The following BCAS3 variants were observed in gnomAD, a reference collection of about 807,000 sequenced individuals.
BCAS3 encodes the protein BCAS3 microtubule associated cell migration factor.
In BCAS3, 53 loss-of-function variants were observed where a neutral mutation model predicts 116.1. That is an observed-to-expected ratio of 0.46 (90% confidence interval 0.37 to 0.57). BCAS3 has a LOEUF of 0.57. Ranked by LOEUF, BCAS3 falls within the 20% of genes least tolerant of loss-of-function variation. BCAS3 has a pLI of 0.00. For missense variants in BCAS3, 917 were observed against 1,165.4 expected, an observed-to-expected ratio of 0.79 and a Z score of 3.10; for synonymous variants, 391 against 408.2, an observed-to-expected ratio of 0.96 and a Z score of 0.51.
At chr17:60,830,350 A>G (rs1439704310) in intron 7 of BCAS3, among the ~76,000 whole-genome samples, 1 of 152,222 alleles carries the variant, frequency 6.6e-6, no homozygotes, top group Non-Finnish European at 1.5e-5. Flanking sequence ...GTAACAGTAT[A>G]AAACGTGATG....
intron 22 of BCAS3, among the ~76,000 whole-genome samples, chr17:61,322,828 GACAGAGAGAGAGAGAGAGAGAGAGAGAC>G (rs2055371952): frequency 1.9e-5 from 2 of 107,726 alleles, no homozygotes; most frequent in African/African-American, 3.8e-5. Flanking sequence ...GAGAGAGAGA[GACAGAGAGAGAGAGAGAGAGAGAGAGAC>G]AGAGAGAGAG....
intron 22 of BCAS3, among the ~76,000 whole-genome samples, chr17:61,225,591 A>T (rs2082330296): frequency 6.6e-6 from 1 of 152,214 alleles, no homozygotes; most frequent in South Asian, 2.1e-4. Flanking sequence ...CAGTTTCCTC[A>T]ACATCTTAAT....
chr17:61,143,762 T>C (rs1366523683), intron 22 of BCAS3, among the ~76,000 whole-genome samples: 1 of 152,162 alleles, frequency 6.6e-6, no homozygotes. Flanking sequence ...TGAGCCAAGA[T>C]TGTGCCACTG....
At chr17:61,129,336 A>G (rs902920091) in intron 22 of BCAS3, among the ~76,000 whole-genome samples, 1 of 152,118 alleles carries the variant, frequency 6.6e-6, no homozygotes, top group Admixed American at 6.6e-5. Flanking sequence ...TCACCTTTAC[A>G]TTTTTAACAT....
At chr17:61,312,515 A>G (rs763323096) in intron 22 of BCAS3, among the ~76,000 whole-genome samples, 3 of 152,154 alleles carry the variant, frequency 2.0e-5, no homozygotes, top group Non-Finnish European at 4.4e-5. Context: ...CTTTTCTTTA[A>G]CAGCAGACGT....
intron 9 of BCAS3, among the ~76,000 whole-genome samples, chr17:60,879,555 G>A (rs1471051500): frequency 6.6e-6 from 1 of 152,174 alleles, no homozygotes; most frequent in Non-Finnish European, 1.5e-5. Context: ...CAAAACCCGT[G>A]TATGATTAGG....
intron 22 of BCAS3, among the ~76,000 whole-genome samples, chr17:61,234,221 A>G (rs1360984968): frequency 6.6e-6 from 1 of 152,150 alleles, no homozygotes; most frequent in Non-Finnish European, 1.5e-5. Flanking sequence ...ATTAGTGCTC[A>G]CTTTCTAAGC....
At chr17:60,829,322 C>T (rs532240622) in intron 7 of BCAS3, among the ~76,000 whole-genome samples, 2 of 151,544 alleles carry the variant, frequency 1.3e-5, no homozygotes, top group Non-Finnish European at 2.9e-5. Context: ...GTGAAACCCT[C>T]TCTCTACTAA....
intron 19 of BCAS3, among the ~76,000 whole-genome samples, chr17:61,059,048 CTT>C (rs922883073): frequency 1.3e-5 from 1 of 79,036 alleles, no homozygotes; most frequent in Non-Finnish European, 2.8e-5. Context: ...TCCCCGAACT[CTT>C]TTTTCTCCCC....
intron 7 of BCAS3, among the ~76,000 whole-genome samples, chr17:60,859,665 T>A (rs1279722930): frequency 6.6e-6 from 1 of 151,256 alleles, no homozygotes; most frequent in Non-Finnish European, 1.5e-5. Context: ...ACCTCCCAGG[T>A]TCAAGCGATT....
Position 60,951,863 on chromosome 17 carries a change from C to T in BCAS3, c.1221+4511C>T, listed in dbSNP as rs1381849688. Among the ~76,000 whole-genome samples, 9 of 150,420 alleles carry T rather than the reference C, an allele frequency of 6.0e-5. 1 individual carries two copies. Among genetic ancestry groups the T allele is most frequent in the South Asian group, 4.2e-4 (2 of 4,776 alleles). ...CGGCTCACTGCAGCCTCTGTCCTCC[C>T]GGGTTCAAACAGTTCTCCTGCCTCA... On this transcript the variant is annotated intron_variant, in intron 14 of 23. Transcript: ENST00000407086.
At chr17:61,182,294 C>T (rs763984998) in intron 22 of BCAS3, among the ~76,000 whole-genome samples, 18 of 152,064 alleles carry the variant, frequency 1.2e-4, no homozygotes, top group East Asian at 3.8e-4. Context: ...TGTTTATTAA[C>T]GGTAGTGGAA....
intron 22 of BCAS3, among the ~76,000 whole-genome samples, chr17:61,280,669 A>G (rs2051160244): frequency 6.6e-6 from 1 of 152,248 alleles, no homozygotes; most frequent in African/African-American, 2.4e-5. Flanking sequence ...AACTTGAAAC[A>G]AAAGGTGTAT....
rs2051243694 is a variant in BCAS3 at position 61,281,494 on chromosome 17, C to T, written c.2426-86833C>T. Among the ~76,000 whole-genome samples, 1 of 152,172 alleles carries T rather than the reference C, an allele frequency of 6.6e-6. No homozygotes were observed. Among genetic ancestry groups the T allele is most frequent in the African/African-American group, 2.4e-5 (1 of 41,446 alleles). On this transcript the variant is annotated intron_variant, in intron 22 of 23. Transcript: ENST00000407086. The surrounding 1 kb of genome is among the most constrained non-coding windows in gnomAD (Gnocchi z 4.2). ...CTTATTTCTCTACGCCTTGCCAGTACAGTGTGTTATCAGATTTTTTGGTCT... is the reference window on the plus strand; with the variant it reads ...CTTATTTCTCTACGCCTTGCCAGTATAGTGTGTTATCAGATTTTTTGGTCT...
intron 22 of BCAS3, among the ~76,000 whole-genome samples, chr17:61,152,267 C>T (rs2077583139): frequency 6.6e-6 from 1 of 152,064 alleles, no homozygotes; most frequent in African/African-American, 2.4e-5. Flanking sequence ...CTGTTTTTGT[C>T]CTATCAGAGT....
Position 60,992,230 on chromosome 17 carries a change from A to ACACACACACACACACACT in BCAS3, c.1486+1996_1486+1997insACACACACACACACACTC, listed in dbSNP as rs748676282. Among the ~76,000 whole-genome samples the ACACACACACACACACACT allele has an allele frequency of 2.2e-3, 319 of 147,142 alleles. 3 individuals are homozygous for ACACACACACACACACACT. The highest frequency in any genetic ancestry group is 7.1e-3 in the African/African-American group (276 of 38,770). ...CACACACACACACACACACACACAC[A>ACACACACACACACACACT]CTCTGTAGGAAGCTTAAAGATAGAC... On this transcript the variant is annotated intron_variant, in intron 15 of 23. Coordinates refer to ENST00000407086, the MANE Select transcript of BCAS3 (RefSeq NM_017679.5).
chr17:61,013,122 A>G lies in BCAS3; in HGVS notation c.1487-2629A>G, dbSNP rs2065220961. On this transcript the variant is annotated intron_variant, in intron 15 of 23. Coordinates refer to ENST00000407086, the MANE Select transcript of BCAS3 (RefSeq NM_017679.5). The surrounding 1 kb of genome is among the most constrained non-coding windows in gnomAD (Gnocchi z 4.4). ...ATTTTCAAAATCTAGATCATATCCC[A>G]TTTGCCCTTTTCCTTGAGCCCTTTT... Among the ~76,000 whole-genome samples the G allele has an allele frequency of 6.6e-6, 1 of 151,714 alleles. No homozygotes were observed. The highest frequency in any genetic ancestry group is 1.5e-5 in the Non-Finnish European group (1 of 67,846).
At chr17:60,927,459 G>A (rs2059422635) in intron 13 of BCAS3, among the ~76,000 whole-genome samples, 1 of 152,066 alleles carries the variant, frequency 6.6e-6, no homozygotes, top group African/African-American at 2.4e-5. Flanking sequence ...GTTTCACCAT[G>A]TTGGCTAGTG....
chr17:61,248,436 A>G lies in BCAS3; in HGVS notation c.2426-119891A>G, dbSNP rs2048139522. 6.6e-6 allele frequency among the ~76,000 whole-genome samples: 1 copy of G among 151,782 alleles called. No homozygotes were observed. Among genetic ancestry groups the G allele is most frequent in the Non-Finnish European group, 1.5e-5 (1 of 68,024 alleles). On this transcript the variant is annotated intron_variant, in intron 22 of 23. Transcript: ENST00000407086. This position sits in a 1 kb window ranked among gnomAD's most constrained non-coding sequence, Gnocchi z 4.3. ...TGCAACCCATTTCTCAGGTCTTTCA[A>G]AGAAAACAACTCGTAAAGATACTGG... is the stretch of plus-strand genomic sequence containing the variant.
Sources: allele counts gnomAD v4.1 joint callset (sites outside exome capture counted in the v4.1 genomes callset), GRCh38; gene constraint gnomAD v4.1.1; non-coding constraint Gnocchi (gnomAD v3.1); transcripts MANE v1.5; gene names NCBI Gene and HGNC (gene_info 2026-07-23, HGNC 2026-07-21).